Variants in NME8 observed in about 807,000 individuals in gnomAD.
NME8 encodes the protein NME/NM23 family member 8, also known as protein NME8.
NME8 carries 72 observed loss-of-function variants against 82.3 expected under a neutral mutation model. The ratio of observed to expected loss-of-function variants is 0.87; its 90% CI spans 0.72 to 1.06. The LOEUF is 1.06. NME8 is among the 50% of genes least tolerant of loss of function. NME8 has a pLI of 0.00. For synonymous variants in NME8, 267 were observed against 228.5 expected (o/e 1.17, Z -1.52); for missense variants, 712 against 685.4 (o/e 1.04, Z -0.43).
chr7:37,883,025 T>C (rs1487883013), intron 12 of NME8, among the ~76,000 whole-genome samples: 2 of 152,202 alleles, frequency 1.3e-5, no homozygotes, highest in Non-Finnish European at 2.9e-5. Context: ...TGGTTTATAA[T>C]TCCTTTGTGA....
chr7:37,892,108 T>C (rs1785137736), intron 15 of NME8, among the ~76,000 whole-genome samples: 1 of 152,046 alleles, frequency 6.6e-6, no homozygotes, highest in African/African-American at 2.4e-5. Flanking sequence ...GTGCCATATT[T>C]ACTTTTGTTT....
At chr7:37,893,283 G>T (rs922607294) in intron 15 of NME8, among the ~76,000 whole-genome samples, 28 of 152,086 alleles carry the variant, frequency 1.8e-4, no homozygotes, top group African/African-American at 6.0e-4. Context: ...TACCTTGCTT[G>T]CAGTGCCACA....
At chr7:37,854,767 C>T (rs1357451601) in intron 5 of NME8, among the ~76,000 whole-genome samples, 2 of 151,238 alleles carry the variant, frequency 1.3e-5, no homozygotes, top group East Asian at 3.9e-4. Context: ...TCTCTCAGCT[C>T]TTGGATTTCT....
chr7:37,862,552 T>C (rs1286950172), intron 7 of NME8, among the ~76,000 whole-genome samples: 1 of 152,140 alleles, frequency 6.6e-6, no homozygotes, highest in Non-Finnish European at 1.5e-5. Context: ...AATTATTTAT[T>C]TGAAATTTGT....
chr7:37,882,942 G>A lies in NME8; in HGVS notation c.995-1361G>A, dbSNP rs74301916. ...GAGTGAAGCAAAGAAACTCAATGCC[G>A]TCTTGCAAATAAGGCATACTCACCA... On this transcript the variant is annotated intron_variant, in intron 12 of 17. Transcript: ENST00000199447. 2.5e-4 allele frequency among the ~76,000 whole-genome samples: 38 copies of A among 152,244 alleles called. No homozygotes were observed. In the East Asian group the frequency reaches 3.7e-3, roughly 15 times the overall value.
At chr7:37,850,878 A>G (rs1583623962) in intron 5 of NME8, 143 bp downstream of exon 5, 1 of 657,596 alleles carries the variant, frequency 1.5e-6, no homozygotes, top group South Asian at 1.7e-5. Context: ...GTTTTACTAT[A>G]TATTTAATTC....
chr7:37,860,450 G>C (rs1482440051), intron 6 of NME8, among the ~76,000 whole-genome samples: 1 of 152,138 alleles, frequency 6.6e-6, no homozygotes, highest in Non-Finnish European at 1.5e-5. Context: ...CTCTTAAATG[G>C]TTTGAATATG....
chr7:37,850,445 C>A lies in NME8; in HGVS notation c.91+10C>A. The A allele has an allele frequency of 6.2e-7, 1 of 1,614,028 alleles. No homozygotes were observed. Among genetic ancestry groups the A allele is most frequent in the Non-Finnish European group, 8.5e-7 (1 of 1,179,912 alleles). ...AACAAAGGCTTAACAGGTATAAGGA[C>A]TCCCCGGCTGTCTGGCCACCTGGGG... On this transcript the variant is annotated intron_variant, in intron 4 of 17. Coordinates refer to ENST00000199447, the MANE Select transcript of NME8 (RefSeq NM_016616.5).
intron 14 of NME8, 76 bp downstream of exon 14, chr7:37,885,328 G>T: frequency 1.1e-6 from 1 of 896,562 alleles, no homozygotes; most frequent in Non-Finnish European, 1.8e-6. Context: ...TAGAGTATTG[G>T]AACCACAGCT....
rs769990827 is a variant in NME8 at position 37,867,750 on chromosome 7, A to G, written c.670A>G (p.Ile224Val). 8 of 1,613,720 alleles carry G rather than the reference A, an allele frequency of 5.0e-6. No homozygotes were observed. Among genetic ancestry groups the G allele is most frequent in the Non-Finnish European group, 5.9e-6 (7 of 1,179,686 alleles). The change falls in exon 11 of 18, where the codon ATT becomes GTT. Residue 224 changes from isoleucine to valine, a missense_variant. By Grantham distance (29) the Ile-to-Val change is conservative. Coordinates refer to ENST00000199447, the MANE Select transcript of NME8 (RefSeq NM_016616.5). ...TTTTATGACAAGTGGCTTAAGCTATATTCTAGTTGTATCTCAAGGAAGTAA... is the reference window on the plus strand; with the variant it reads ...TTTTATGACAAGTGGCTTAAGCTATGTTCTAGTTGTATCTCAAGGAAGTAA... ...VSFMTSGLSY[I>V]LVVSQGSKHN...
chr7:37,882,844 G>A (rs963479356), intron 12 of NME8, among the ~76,000 whole-genome samples: 1 of 152,134 alleles, frequency 6.6e-6, no homozygotes, highest in Non-Finnish European at 1.5e-5. Context: ...TGCTTGAAAG[G>A]ATGTTTGAAA....
intron 2 of NME8, among the ~76,000 whole-genome samples, chr7:37,849,604 A>G (rs1391514322): frequency 2.0e-5 from 3 of 152,110 alleles, no homozygotes; most frequent in Non-Finnish European, 4.4e-5. Context: ...GTTAGAAAGA[A>G]TGAATACTGT....
At chr7:37,859,544 G>A (rs986399927) in intron 6 of NME8, among the ~76,000 whole-genome samples, 4 of 152,188 alleles carry the variant, frequency 2.6e-5, no homozygotes, top group Admixed American at 6.6e-5. Flanking sequence ...TATAGTTGGT[G>A]TTTGCTTTAC....
intron 11 of NME8, 97 bp from the exon 12 acceptor site, chr7:37,876,735 A>G (rs1456432328): frequency 3.4e-6 from 3 of 873,074 alleles, no homozygotes; most frequent in African/African-American, 3.4e-5. Flanking sequence ...GTTTTATTAA[A>G]CTTCTAGTAA....
Position 37,884,410 on chromosome 7 carries a change from G to A in NME8, c.1102G>A (p.Glu368Lys), listed in dbSNP as rs767865328. The change falls in exon 13 of 18, where the codon GAA becomes AAA. Residue 368 changes from glutamate to lysine, a missense_variant. Transcript: ENST00000199447. ...AQALCKEYEN[E>K]DYFNKLIENM... is the part of the protein sequence containing the mutation. The stretch of plus-strand genomic sequence containing the variant: ...AGCACTGTGCAAGGAATATGAAAAT[G>A]AAGACTATTTTAATAAACTTATAGA... The A allele has an allele frequency of 1.9e-6, 3 of 1,610,442 alleles. No homozygotes were observed. The highest frequency in any genetic ancestry group is 2.5e-6 in the Non-Finnish European group (3 of 1,176,764).
chr7:37,875,601 A>G (rs1162236298), intron 11 of NME8, among the ~76,000 whole-genome samples: 1 of 152,080 alleles, frequency 6.6e-6, no homozygotes, highest in Non-Finnish European at 1.5e-5. Flanking sequence ...AATTTAAACA[A>G]CTTTTCTCAT....
At chr7:37,857,146 A>G (rs540579794) in intron 5 of NME8, 128 bp from the exon 6 acceptor site, 3 of 719,840 alleles carry the variant, frequency 4.2e-6, no homozygotes, top group Admixed American at 2.2e-5. Context: ...CCCTAAAACC[A>G]CTAAGGCATA....
chr7:37,883,180 T>C (rs925113398), intron 12 of NME8, among the ~76,000 whole-genome samples: 2 of 152,190 alleles, frequency 1.3e-5, no homozygotes, highest in Non-Finnish European at 2.9e-5. Flanking sequence ...GCTTTTATCG[T>C]GAGTCATTTC....
At position 37,884,364 on chromosome 7, in the gene NME8, A is replaced by G. The variant is rs539583144; in HGVS notation, c.1056A>G (p.Val352=). The G allele has an allele frequency of 6.2e-7, 1 of 1,602,856 alleles. No homozygotes were observed. Among genetic ancestry groups the G allele is most frequent in the Non-Finnish European group, 8.5e-7 (1 of 1,169,698 alleles). ...DFKILEQRQV[V]LSEKEAQALC... is the part of the protein sequence containing the mutation. ...AAATACTGGAGCAAAGACAAGTAGT[A>G]TTATCGGAAAAAGAAGCACAAGCAC... The change falls in exon 13 of 18, where the codon GTA becomes GTG. Residue 352 remains valine (V), a synonymous_variant. Transcript: ENST00000199447.
Sources: gnomAD v4.1 joint callset for allele counts (sites outside exome capture counted in the v4.1 genomes callset) on GRCh38, gnomAD v4.1.1 for gene constraint, MANE v1.5 for transcripts, NCBI Gene and HGNC (gene_info 2026-07-23, HGNC 2026-07-21) for gene names.